The following AFDN variants were observed in gnomAD, a reference collection of about 807,000 sequenced individuals.
The protein encoded by AFDN is afadin, adherens junction formation factor, also known as afadin.
AFDN carries 68 observed loss-of-function variants against 216.6 expected under a neutral mutation model. The ratio of observed to expected loss-of-function variants is 0.31; its 90% confidence interval spans 0.26 to 0.38. The LOEUF (loss-of-function observed/expected upper bound fraction) is 0.38. Among genes scored for constraint, AFDN ranks in the 10% least tolerant of loss-of-function variants. AFDN has a pLI of 1.00. For synonymous variants in AFDN, 868 were observed against 853.7 expected (o/e 1.02, Z -0.29); for missense variants, 2,136 against 2,342.0 (o/e 0.91, Z 1.82).
intron 13 of AFDN, among the ~76,000 whole-genome samples, chr6:167,910,075 T>G (rs1332598968): frequency 1.3e-5 from 2 of 152,196 alleles, no homozygotes; most frequent in African/African-American, 2.4e-5. Flanking sequence ...AAGCTGAGCA[T>G]TATTCATTGA....
intron 1 of AFDN, among the ~76,000 whole-genome samples, chr6:167,859,076 T>C (rs902641489): frequency 6.6e-6 from 1 of 150,994 alleles, no homozygotes; most frequent in Non-Finnish European, 1.5e-5. Context: ...TTCTTGTTTT[T>C]TTTTTTTTTT....
At chr6:167,944,121 AC>A in intron 26 of AFDN, 62 bp downstream of exon 26, 2 of 1,293,328 alleles carry the variant, frequency 1.5e-6, no homozygotes, top group South Asian at 1.2e-5. Context: ...TGGTCACAAA[AC>A]CCCCATGGAG....
At position 167,893,106 on chromosome 6, in the gene AFDN, A is replaced by T. The variant is rs139936830; in HGVS notation, c.1178-756A>T. ...AGCCCTGTGCCTGTGGGATAGCTTA[A>T]CTTGTTCCACAAATGTCTGAAGTTC... On this transcript the variant is annotated intron_variant, in intron 8 of 33. Transcript: ENST00000683244. 3.3e-5 allele frequency among the ~76,000 whole-genome samples: 5 copies of T among 152,252 alleles called. No individual in the cohort carries two copies. The East Asian group carries it at 9.7e-4, about 29-fold the overall frequency.
chr6:167,864,633 C>T lies in AFDN; in HGVS notation c.188C>T (p.Ser63Phe). Residue 63 changes from serine to phenylalanine, a missense_variant, in exon 2 of 34, where the codon TCT (serine) becomes TTT (phenylalanine). Physicochemically the swap from Ser to Phe is radical, Grantham distance 155 (BLOSUM62 -2). Coordinates refer to ENST00000683244, the MANE Select transcript of AFDN (RefSeq NM_001386888.1). ...GNFATKCIRV[S>F]STATTQDVIE... ...TTTGCAACAAAATGTATTCGGGTCT[C>T]TAGTACTGCCACCACTCAAGATGTA... 6.2e-7 allele frequency: 1 copy of T among 1,614,178 alleles called. No homozygotes were observed. The highest frequency in any genetic ancestry group is 8.5e-7 in the Non-Finnish European group (1 of 1,180,026).
At chr6:167,958,955 A>G (rs936076995) in intron 30 of AFDN, among the ~76,000 whole-genome samples, 1 of 152,282 alleles carries the variant, frequency 6.6e-6, no homozygotes, top group African/African-American at 2.4e-5. Flanking sequence ...GTGTAGTCAC[A>G]GTGCATCTTC....
intron 32 of AFDN, among the ~76,000 whole-genome samples, chr6:167,967,364 A>G (rs933624993): frequency 2.0e-5 from 3 of 152,176 alleles, no homozygotes; most frequent in African/African-American, 7.2e-5. Flanking sequence ...CCTGGATCAG[A>G]GCTTTGATCT....
At chr6:167,899,791 C>T (rs1262176618) in intron 11 of AFDN, among the ~76,000 whole-genome samples, 2 of 152,148 alleles carry the variant, frequency 1.3e-5, no homozygotes. Context: ...TAGTTATTGC[C>T]CTTATATACA....
chr6:167,921,808 TAA>T (rs3837051), intron 21 of AFDN, among the ~76,000 whole-genome samples: 1 of 148,224 alleles, frequency 6.7e-6, no homozygotes, highest in Non-Finnish European at 1.5e-5. Flanking sequence ...ATTTAAAAAA[TAA>T]AAAAAAAAAC....
chr6:167,920,942 A>C (rs577312162), intron 21 of AFDN, among the ~76,000 whole-genome samples: 1 of 151,928 alleles, frequency 6.6e-6, no homozygotes, highest in East Asian at 1.9e-4. Flanking sequence ...ACTTGCTTCT[A>C]TTTTTGCACT....
chr6:167,891,127 C>T, intron 8 of AFDN, 98 bp downstream of exon 8: 1 of 981,266 alleles, frequency 1.0e-6, no homozygotes, highest in Non-Finnish European at 1.4e-6. Flanking sequence ...CTTCTGTTGG[C>T]TGACTTAACA....
At chr6:167,863,948 A>G (rs1352917085) in intron 1 of AFDN, among the ~76,000 whole-genome samples, 1 of 152,224 alleles carries the variant, frequency 6.6e-6, no homozygotes, top group Non-Finnish European at 1.5e-5. Flanking sequence ...ATTTTGCACC[A>G]ACATAATATA....
chr6:167,945,740 C>CTTTATTTAT (rs1795188410), intron 26 of AFDN, among the ~76,000 whole-genome samples: 1 of 152,174 alleles, frequency 6.6e-6, no homozygotes, highest in Non-Finnish European at 1.5e-5. Context: ...ACTTAAACAT[C>CTTTATTTAT]TTAATTATTT....
rs1274774298 is a variant in AFDN at position 167,952,175 on chromosome 6, A to G, written c.4821A>G (p.Glu1607=). The G allele has an allele frequency of 6.2e-7, 1 of 1,614,028 alleles. No homozygotes were observed. Among genetic ancestry groups the G allele is most frequent in the Non-Finnish European group, 8.5e-7 (1 of 1,180,004 alleles). ...TMLIMQRLEA[E]RRARLQDEER... ...TGATCATGCAGCGCCTGGAGGCTGA[A>G]CGAAGAGCGAGGGTAAAGGGGGGAG... Residue 1607 remains glutamate (E), a synonymous_variant, in exon 30 of 34, where the codon GAA becomes GAG. Coordinates refer to ENST00000683244, the MANE Select transcript of AFDN (RefSeq NM_001386888.1).
intron 23 of AFDN, among the ~76,000 whole-genome samples, chr6:167,925,993 G>A (rs1255898353): frequency 6.6e-6 from 1 of 152,210 alleles, no homozygotes; most frequent in African/African-American, 2.4e-5. Context: ...GCTTGAAACT[G>A]TTACATAGCA....
At chr6:167,967,803 GTCC>G (rs1393005688) in intron 32 of AFDN, among the ~76,000 whole-genome samples, 6 of 152,122 alleles carry the variant, frequency 3.9e-5, no homozygotes, top group East Asian at 1.9e-4. Context: ...CCGACCTTGT[GTCC>G]TCCTCATTTC....
rs747022102 is a variant in AFDN, at chr6:167,864,662, G to A, written c.217G>A (p.Glu73Lys). Reference protein sequence around the residue: ...SSTATTQDVIETLAEKFRPDM... With the variant: ...SSTATTQDVIKTLAEKFRPDM... ...TACTGCCACCACTCAAGATGTAATC[G>A]AAACGCTCGCGGAGAAATTTCGACC... is the stretch of plus-strand genomic sequence containing the variant. Residue 73 changes from glutamate to lysine, a missense_variant, in exon 2 of 34, where the codon GAA becomes AAA. This residue lies in a region of AFDN where 817 missense variants were observed against 965.7 expected (regional missense o/e 0.85). Coordinates refer to ENST00000683244, the MANE Select transcript of AFDN (RefSeq NM_001386888.1). The A allele has an allele frequency of 1.2e-6, 2 of 1,614,120 alleles. No individual in the cohort carries two copies. The highest frequency in any genetic ancestry group is 1.7e-6 in the Non-Finnish European group (2 of 1,180,014).
chr6:167,959,001 G>T (rs1242850462), intron 30 of AFDN, among the ~76,000 whole-genome samples: 1 of 152,200 alleles, frequency 6.6e-6, no homozygotes, highest in Non-Finnish European at 1.5e-5. Context: ...ATTAGGAGAA[G>T]AAATATGTAT....
At chr6:167,864,517 T>A (rs1783959508) in intron 1 of AFDN, 34 bp from the exon 2 acceptor site, 3 of 1,579,240 alleles carry the variant, frequency 1.9e-6, no homozygotes, top group Non-Finnish European at 2.6e-6. Context: ...CAGAATGTTG[T>A]TTTCCAAAAA....
intron 23 of AFDN, among the ~76,000 whole-genome samples, chr6:167,927,780 G>A (rs1792757013): frequency 1.3e-5 from 2 of 152,150 alleles, no homozygotes; most frequent in Admixed American, 1.3e-4. Context: ...CTGCTCACAG[G>A]CCATGTTTCC....
Sources: gnomAD v4.1 joint callset for allele counts (sites outside exome capture counted in the v4.1 genomes callset) on GRCh38, gnomAD v4.1.1 for gene constraint, gnomAD v4.1.1 regional missense constraint, MANE v1.5 for transcripts, NCBI Gene and HGNC (gene_info 2026-07-23, HGNC 2026-07-21) for gene names.